The following PAK5 variants were observed in gnomAD, a reference collection of about 807,000 sequenced individuals.
PAK5 encodes the protein p21 (RAC1) activated kinase 5.
PAK5 carries 16 observed loss-of-function variants against 65.9 expected under a neutral mutation model. The ratio of observed to expected loss-of-function variants is 0.24; its 90% CI spans 0.16 to 0.37. PAK5 has a LOEUF of 0.37. Among genes scored for constraint, PAK5 ranks in the 10% least tolerant of loss-of-function variants. The pLI is 1.00. For missense variants in PAK5, 785 were observed against 903.9 expected (o/e 0.87, Z 1.69); for synonymous variants, 371 against 354.9 (o/e 1.05, Z -0.51).
chr20:9,747,700 C>T (rs1162366509), intron 1 of PAK5, among the ~76,000 whole-genome samples: 2 of 151,866 alleles, frequency 1.3e-5, no homozygotes, highest in Admixed American at 6.6e-5. Context: ...ATAATAAGAG[C>T]TATCTATGAA....
chr20:9,716,955 C>G (rs1346693751), intron 1 of PAK5, among the ~76,000 whole-genome samples: 1 of 151,874 alleles, frequency 6.6e-6, no homozygotes, highest in Non-Finnish European at 1.5e-5. Context: ...TGTGGTGGTG[C>G]AGGCCTGTAG....
chr20:9,790,149 T>C (rs1240435157), intron 1 of PAK5, among the ~76,000 whole-genome samples: 1 of 152,158 alleles, frequency 6.6e-6, no homozygotes, highest in Non-Finnish European at 1.5e-5. Context: ...TAAAACTTCC[T>C]CTACGGGTCC....
At position 9,591,828 on chromosome 20, in the gene PAK5, CTGT is replaced by C. The variant is rs963084885; in HGVS notation, c.205-10901_205-10899del. Among the ~76,000 whole-genome samples the C allele has an allele frequency of 2.4e-3, 359 of 152,066 alleles. 1 individual carries two copies. The highest frequency in any genetic ancestry group is 8.3e-3 in the African/African-American group (345 of 41,492). ...CTTTGCATGTCCTAAATTTAAATTT[CTGT>C]TGTTGTTGTTGTTTTACCTGACATT... On this transcript the variant is annotated intron_variant, in intron 3 of 9. Transcript: ENST00000353224.
At chr20:9,699,417 G>A (rs1045542179) in intron 2 of PAK5, among the ~76,000 whole-genome samples, 1 of 151,786 alleles carries the variant, frequency 6.6e-6, no homozygotes, top group Admixed American at 6.6e-5. Flanking sequence ...GAAACAATCT[G>A]TATGGAAACA....
intron 4 of PAK5, among the ~76,000 whole-genome samples, chr20:9,573,045 G>A (rs2045819000): frequency 1.3e-5 from 2 of 151,604 alleles, no homozygotes; most frequent in Admixed American, 6.6e-5. Flanking sequence ...CTCTCTACAG[G>A]AATCTTTAGA....
At chr20:9,812,962 T>TAAAA (rs2049315095) in intron 1 of PAK5, among the ~76,000 whole-genome samples, 2 of 151,746 alleles carry the variant, frequency 1.3e-5, no homozygotes, top group African/African-American at 4.8e-5. Flanking sequence ...CCATAAAAAA[T>TAAAA]AAAAATAAAA....
At chr20:9,702,042 G>A (rs1600261507) in intron 2 of PAK5, among the ~76,000 whole-genome samples, 1 of 152,068 alleles carries the variant, frequency 6.6e-6, no homozygotes. Context: ...AGGCTCAGTA[G>A]TTAGTAAATG....
At chr20:9,693,509 C>T (rs558296470) in intron 2 of PAK5, among the ~76,000 whole-genome samples, 2 of 151,892 alleles carry the variant, frequency 1.3e-5, no homozygotes, top group South Asian at 4.2e-4. Context: ...ACACAATTTC[C>T]CCATAAGTAA....
intron 1 of PAK5, among the ~76,000 whole-genome samples, chr20:9,833,229 T>C (rs1978866823): frequency 1.3e-5 from 2 of 152,306 alleles, no homozygotes; most frequent in Non-Finnish European, 2.9e-5. Flanking sequence ...TCCTCACTGT[T>C]TCATAATGCC....
At chr20:9,692,998 C>CAG (rs1401768650) in intron 2 of PAK5, among the ~76,000 whole-genome samples, 4 of 152,164 alleles carry the variant, frequency 2.6e-5, no homozygotes, top group African/African-American at 9.7e-5. Context: ...GTGACTGCCA[C>CAG]AGTAGCAATG....
chr20:9,556,281 G>A (rs995857666), intron 7 of PAK5, among the ~76,000 whole-genome samples: 3 of 152,202 alleles, frequency 2.0e-5, no homozygotes, highest in African/African-American at 7.2e-5. Flanking sequence ...GGAAATACGG[G>A]AAAAATCGGT....
chr20:9,707,799 G>A (rs533061603), intron 2 of PAK5, among the ~76,000 whole-genome samples: 21 of 152,226 alleles, frequency 1.4e-4, no homozygotes, highest in African/African-American at 5.1e-4. Flanking sequence ...CCAGACATGG[G>A]AGTGAAGCAT....
intron 1 of PAK5, among the ~76,000 whole-genome samples, chr20:9,755,627 C>T (rs558009570): frequency 2.6e-5 from 4 of 152,220 alleles, no homozygotes; most frequent in African/African-American, 4.8e-5. Flanking sequence ...ATGCAAAACA[C>T]GGCAGTGTGT....
intron 3 of PAK5, among the ~76,000 whole-genome samples, chr20:9,642,269 CCAA>C (rs1357974957): frequency 1.3e-5 from 2 of 152,230 alleles, no homozygotes; most frequent in Non-Finnish European, 2.9e-5. Context: ...TACAGTCCCA[CCAA>C]CAATGTGAAA....
Position 9,580,444 on chromosome 20 carries a change from A to G in PAK5, c.691T>C (p.Ser231Pro). ...GTTCTAGAAGGTGTGAATTGGAATG[A>G]ATAATCCAGAGGGGAGCTACTCGAG... ...RASSSSPLDYSFQFTPSRTAG... is the reference protein window; with the variant it reads ...RASSSSPLDYPFQFTPSRTAG... The change falls in exon 4 of 10, where the codon TCA becomes CCA. Residue 231 changes from serine to proline, a missense_variant. This residue lies in a region of PAK5 where 422 missense variants were observed against 413.3 expected (regional missense o/e 1.02). Transcript: ENST00000353224. The G allele has an allele frequency of 6.2e-7, 1 of 1,614,068 alleles. No homozygotes were observed.
chr20:9,814,342 A>T (rs544959667), intron 1 of PAK5, among the ~76,000 whole-genome samples: 7 of 152,182 alleles, frequency 4.6e-5, no homozygotes, highest in Non-Finnish European at 8.8e-5. Context: ...GTGAAATGAG[A>T]ATGAAAATAA....
intron 1 of PAK5, among the ~76,000 whole-genome samples, chr20:9,793,130 C>A (rs2049067721): frequency 6.6e-6 from 1 of 152,090 alleles, no homozygotes; most frequent in African/African-American, 2.4e-5. Flanking sequence ...TGGTCACTCC[C>A]TCTACCTCTC....
chr20:9,685,943 C>A (rs1215373029), intron 2 of PAK5, among the ~76,000 whole-genome samples: 1 of 152,194 alleles, frequency 6.6e-6, no homozygotes, highest in Non-Finnish European at 1.5e-5. Context: ...AGCCCAACTT[C>A]TTGATTAGCA....
chr20:9,571,349 C>T (rs544483753), intron 4 of PAK5, among the ~76,000 whole-genome samples: 1 of 152,296 alleles, frequency 6.6e-6, no homozygotes. Context: ...AGGTCTTGTT[C>T]TTTTTATTCT....
Sources: gnomAD v4.1 joint callset for allele counts (sites outside exome capture counted in the v4.1 genomes callset) on GRCh38, gnomAD v4.1.1 for gene constraint, gnomAD v4.1.1 regional missense constraint, MANE v1.5 for transcripts, NCBI Gene and HGNC (gene_info 2026-07-23, HGNC 2026-07-21) for gene names.